TBCK: variants seen among roughly 807,000 people sequenced by gnomAD.
TBCK encodes the protein TBC domain-containing protein kinase-like protein.
In TBCK, 99 loss-of-function variants were observed where a neutral mutation model predicts 113.4. The observed-to-expected ratio is 0.87, with a 90% confidence interval of 0.74 to 1.03. The LOEUF is 1.03. Among genes scored for constraint, TBCK ranks in the 50% least tolerant of loss-of-function variants. The pLI is 0.00. For synonymous variants in TBCK, 369 were observed against 370.8 expected, an observed-to-expected ratio of 1.00 and a Z score of 0.05; for missense variants, 1,045 against 1,061.3, an observed-to-expected ratio of 0.98 and a Z score of 0.21.
intron 19 of TBCK, among the ~76,000 whole-genome samples, chr4:106,229,373 T>C (rs79051739): frequency 0.14 from 21,484 of 152,048 alleles, 1,713 homozygotes; most frequent in South Asian, 0.25. Context: ...GTTTCATAAT[T>C]TGAGGTCTTA....
intron 23 of TBCK, among the ~76,000 whole-genome samples, chr4:106,121,249 A>T (rs2149586410): frequency 6.6e-6 from 1 of 151,690 alleles, no homozygotes; most frequent in Non-Finnish European, 1.5e-5. Flanking sequence ...ACAGACTTTA[A>T]ACAAACAAAG....
At chr4:106,274,879 C>T (rs1468338188) in intron 3 of TBCK, among the ~76,000 whole-genome samples, 1 of 152,162 alleles carries the variant, frequency 6.6e-6, no homozygotes, top group Non-Finnish European at 1.5e-5. Flanking sequence ...GGCCTGTAAT[C>T]TCAGTGCTGT....
chr4:106,231,557 A>C (rs1758859018), intron 18 of TBCK, among the ~76,000 whole-genome samples, 172 bp downstream of exon 18: 1 of 151,854 alleles, frequency 6.6e-6, no homozygotes, highest in South Asian at 2.1e-4. Context: ...GAAACTCTCC[A>C]GTAATAAATT....
intron 12 of TBCK, among the ~76,000 whole-genome samples, chr4:106,237,990 T>C (rs1252658303): frequency 6.6e-6 from 1 of 152,046 alleles, no homozygotes; most frequent in African/African-American, 2.4e-5. Flanking sequence ...ATGGTTTCCA[T>C]ATCATTTTAA....
At chr4:106,299,383 T>C (rs1766676643) in intron 2 of TBCK, among the ~76,000 whole-genome samples, 1 of 152,258 alleles carries the variant, frequency 6.6e-6, no homozygotes, top group Non-Finnish European at 1.5e-5. Flanking sequence ...AAAATGTGCA[T>C]ATTCCATTAA....
chr4:106,072,578 G>A (rs756303198), intron 25 of TBCK, among the ~76,000 whole-genome samples: 56 of 151,982 alleles, frequency 3.7e-4, no homozygotes, highest in Non-Finnish European at 5.9e-5. Context: ...TGTGTGTTGG[G>A]GTTGCTCTTC....
chr4:106,252,686 T>G (rs1338253709), intron 5 of TBCK, among the ~76,000 whole-genome samples: 1 of 152,162 alleles, frequency 6.6e-6, no homozygotes, highest in Non-Finnish European at 1.5e-5. Context: ...ACTTCCATTC[T>G]TTTGCTATTA....
chr4:106,082,218 A>T (rs983285871), intron 25 of TBCK, among the ~76,000 whole-genome samples: 1 of 127,108 alleles, frequency 7.9e-6, no homozygotes, highest in African/African-American at 3.1e-5. Flanking sequence ...TCAACAGTGG[A>T]CTGAATAGTA....
rs753601310 is a variant in TBCK, at chr4:106,308,957, A to G, written c.4T>C (p.Phe2Leu). The G allele has an allele frequency of 2.5e-6, 4 of 1,613,284 alleles. No individual in the cohort carries two copies. In the Admixed American group the frequency reaches 5.0e-5, roughly 20 times the overall value. The change falls in exon 2 of 26, where the codon TTT becomes CTT. Residue 2 changes from phenylalanine (F) to leucine (L), a missense_variant. Physicochemically the swap from Phe to Leu is conservative, Grantham distance 22. Coordinates refer to ENST00000394708, the MANE Select transcript of TBCK (RefSeq NM_001163435.3). Reference protein sequence around the residue: MFPLKDAEMGAF... With the variant: MLPLKDAEMGAF... ...CCCATTTCAGCGTCCTTCAGGGGAA[A>G]CATTTTTGGAGTCCTAGGTCTTCTA...
chr4:106,217,279 C>A (rs1298690454), intron 19 of TBCK, among the ~76,000 whole-genome samples: 3 of 152,106 alleles, frequency 2.0e-5, no homozygotes, highest in African/African-American at 7.2e-5. Context: ...TGGGCAAAAA[C>A]TGGAAGCATT....
At chr4:106,306,100 G>T (rs993233417) in intron 2 of TBCK, among the ~76,000 whole-genome samples, 1 of 115,748 alleles carries the variant, frequency 8.6e-6, no homozygotes, top group African/African-American at 2.6e-5. Flanking sequence ...ACCTTCTCTT[G>T]GGGGTCTGGA....
At chr4:106,112,709 C>T (rs1743009952) in intron 24 of TBCK, among the ~76,000 whole-genome samples, 1 of 152,256 alleles carries the variant, frequency 6.6e-6, no homozygotes, top group Admixed American at 6.5e-5. Flanking sequence ...CATACACATC[C>T]TATTTTTATC....
In TBCK at chr4:106,076,623, G is replaced by A. The variant is rs542745271; in HGVS notation, c.2571+18859C>T. Among the ~76,000 whole-genome samples, 54 of 152,200 alleles carry A rather than the reference G, an allele frequency of 3.5e-4. No homozygotes were observed. In the East Asian group the frequency reaches 7.6e-3, roughly 21 times the overall value. The stretch of plus-strand genomic sequence containing the variant: ...ATCGTATAGGTAACTAGAGAGAAGC[G>A]GCGGGTCACTTACAAAGGGAACTCT... On this transcript the variant is annotated intron_variant, in intron 25 of 25. Transcript: ENST00000394708.
In TBCK at chr4:106,042,151, A is replaced by G. The variant is rs1208999769; in HGVS notation, c.*4419T>C. On this transcript the variant is annotated 3_prime_UTR_variant, in exon 26 of 26. Transcript: ENST00000394708. ...ACTAAAATTGATCATAAATATTACC[A>G]TTTTGCTTCCAATCTGATTTAATCA... The G allele has an allele frequency of 6.6e-6, 1 of 152,178 alleles. No individual in the cohort carries two copies. The highest frequency in any genetic ancestry group is 2.4e-5 in the African/African-American group (1 of 41,424). The allele number at this position is 152,178 out of a possible 1,614,324, so 9.4% of individuals were successfully genotyped here. A position where few individuals can be genotyped will look rare whatever the true frequency, so the allele number is the denominator to read the frequency against.
At chr4:106,151,466 T>C (rs1260097467) in intron 23 of TBCK, among the ~76,000 whole-genome samples, 1 of 152,000 alleles carries the variant, frequency 6.6e-6, no homozygotes, top group African/African-American at 2.4e-5. Context: ...ACACAAAGTC[T>C]GTCTTTTTGT....
chr4:106,105,600 C>T (rs976894149), intron 24 of TBCK, among the ~76,000 whole-genome samples: 2 of 152,190 alleles, frequency 1.3e-5, no homozygotes, highest in Non-Finnish European at 2.9e-5. Context: ...ACAAATAAGG[C>T]TAAGTGTCAC....
chr4:106,051,139 A>T (rs1734759915), intron 25 of TBCK, among the ~76,000 whole-genome samples: 1 of 151,878 alleles, frequency 6.6e-6, no homozygotes, highest in Non-Finnish European at 1.5e-5. Flanking sequence ...AAGGCCAAAA[A>T]ATTAAAAGCT....
chr4:106,109,977 G>A (rs1376642614), intron 24 of TBCK, among the ~76,000 whole-genome samples: 1 of 151,846 alleles, frequency 6.6e-6, no homozygotes, highest in African/African-American at 2.4e-5. Context: ...CGAGAGCGAA[G>A]GTTACATAAC....
intron 18 of TBCK, 30 bp downstream of exon 18, chr4:106,231,699 A>C: frequency 3.2e-6 from 5 of 1,581,608 alleles, no homozygotes; most frequent in Non-Finnish European, 4.3e-6. Context: ...TATTATGCGC[A>C]ATGATTATTT....
Sources: allele counts gnomAD v4.1 joint callset (sites outside exome capture counted in the v4.1 genomes callset), GRCh38; gene constraint gnomAD v4.1.1; transcripts MANE v1.5; gene names NCBI Gene and HGNC (gene_info 2026-07-23, HGNC 2026-07-21).